KCTD16: variants seen among roughly 807,000 people sequenced by gnomAD.
KCTD16 encodes BTB/POZ domain-containing protein KCTD16.
KCTD16 carries 13 observed loss-of-function variants against 33.2 expected under a neutral mutation model. The ratio of observed to expected loss-of-function variants is 0.39; its 90% CI spans 0.25 to 0.62. KCTD16 has a LOEUF of 0.62. Among genes scored for constraint, KCTD16 ranks in the 20% least tolerant of loss-of-function variants. The pLI is 0.50. For synonymous variants in KCTD16, 197 were observed against 195.3 expected, an observed-to-expected ratio of 1.01 and a Z score of -0.07; for missense variants, 441 against 525.1, an observed-to-expected ratio of 0.84 and a Z score of 1.57.
At chr5:144,282,561 T>G (rs1755635131) in intron 3 of KCTD16, among the ~76,000 whole-genome samples, 1 of 152,220 alleles carries the variant, frequency 6.6e-6, no homozygotes, top group Admixed American at 6.5e-5. Flanking sequence ...TATTTGCATT[T>G]GACATCTGAA....
At chr5:144,239,074 A>C (rs1465833116) in intron 3 of KCTD16, among the ~76,000 whole-genome samples, 1 of 152,134 alleles carries the variant, frequency 6.6e-6, no homozygotes, top group Non-Finnish European at 1.5e-5. Flanking sequence ...ATTGCCACTT[A>C]CTTGTTGTGT....
chr5:144,331,579 T>C (rs1752359457), intron 3 of KCTD16, among the ~76,000 whole-genome samples: 1 of 152,138 alleles, frequency 6.6e-6, no homozygotes, highest in Admixed American at 6.6e-5. Flanking sequence ...GAAGCATAGT[T>C]ATGGATGGGG....
At chr5:144,440,287 A>G (rs1406425424) in intron 3 of KCTD16, among the ~76,000 whole-genome samples, 1 of 152,172 alleles carries the variant, frequency 6.6e-6, no homozygotes, top group Non-Finnish European at 1.5e-5. Flanking sequence ...GCTGATTGCA[A>G]ATGCATGATA....
At chr5:144,304,021 T>C (rs899027422) in intron 3 of KCTD16, among the ~76,000 whole-genome samples, 5 of 152,186 alleles carry the variant, frequency 3.3e-5, no homozygotes, top group African/African-American at 1.2e-4. Context: ...ACCACTCCCG[T>C]TTATATAATC....
At chr5:144,183,400 T>A (rs952563337) in intron 2 of KCTD16, among the ~76,000 whole-genome samples, 3 of 152,264 alleles carry the variant, frequency 2.0e-5, no homozygotes, top group Non-Finnish European at 4.4e-5. Context: ...CTTATTTTTT[T>A]AATGATGCAT....
At chr5:144,289,606 C>G (rs770635705) in intron 3 of KCTD16, among the ~76,000 whole-genome samples, 2 of 152,168 alleles carry the variant, frequency 1.3e-5, no homozygotes, top group African/African-American at 4.8e-5. Context: ...AGCCACCTAG[C>G]CTTCCTGAGC....
intron 3 of KCTD16, among the ~76,000 whole-genome samples, chr5:144,433,923 C>T (rs1398241039): frequency 6.6e-6 from 1 of 152,038 alleles, no homozygotes; most frequent in Non-Finnish European, 1.5e-5. Context: ...AGGCAGCTGC[C>T]CCTGTGTATT....
chr5:144,452,579 G>A (rs557158254), intron 3 of KCTD16, among the ~76,000 whole-genome samples: 2 of 151,850 alleles, frequency 1.3e-5, no homozygotes, highest in African/African-American at 4.8e-5. Flanking sequence ...AAATATGGAC[G>A]GGAAAGAGCA....
chr5:144,218,032 T>C (rs1200904547), intron 3 of KCTD16, among the ~76,000 whole-genome samples: 4 of 152,176 alleles, frequency 2.6e-5, no homozygotes, highest in Non-Finnish European at 2.9e-5. Flanking sequence ...TGCCCTTTGC[T>C]CTTGTGCCTG....
chr5:144,194,802 C>G (rs192908683), intron 2 of KCTD16, among the ~76,000 whole-genome samples: 1 of 152,052 alleles, frequency 6.6e-6, no homozygotes, highest in Non-Finnish European at 1.5e-5. Context: ...CAAAGCCCAC[C>G]CTTTTAACCA....
chr5:144,310,115 T>C (rs1751721670), intron 3 of KCTD16, among the ~76,000 whole-genome samples: 1 of 152,014 alleles, frequency 6.6e-6, no homozygotes, highest in Non-Finnish European at 1.5e-5. Context: ...TAAGATCCAC[T>C]TTTTTAGCTC....
At chr5:144,254,893 G>A (rs894235092) in intron 3 of KCTD16, among the ~76,000 whole-genome samples, 2 of 152,022 alleles carry the variant, frequency 1.3e-5, no homozygotes, top group Non-Finnish European at 2.9e-5. Context: ...TCAAGTAGCT[G>A]GGACCACAGG....
chr5:144,385,707 A>T (rs943811216), intron 3 of KCTD16, among the ~76,000 whole-genome samples: 1 of 152,178 alleles, frequency 6.6e-6, no homozygotes, highest in Admixed American at 6.5e-5. Flanking sequence ...AAAAATGTAT[A>T]TGTCTGCCTC....
intron 3 of KCTD16, among the ~76,000 whole-genome samples, chr5:144,299,072 A>ATATATATATTTT (rs1491103244): frequency 1.7e-5 from 1 of 57,434 alleles, no homozygotes; most frequent in Non-Finnish European, 3.4e-5. Context: ...ATATATATAT[A>ATATATATATTTT]TTTTTGTATA....
intron 3 of KCTD16, among the ~76,000 whole-genome samples, chr5:144,272,656 G>T (rs1208661782): frequency 3.3e-5 from 5 of 152,076 alleles, no homozygotes; most frequent in Non-Finnish European, 7.4e-5. Context: ...AAAATCTTCA[G>T]ATATCAGAAA....
At chr5:144,307,341 C>A (rs1751629767) in intron 3 of KCTD16, among the ~76,000 whole-genome samples, 1 of 152,186 alleles carries the variant, frequency 6.6e-6, no homozygotes, top group African/African-American at 2.4e-5. Flanking sequence ...GCAGCATTAT[C>A]ATCATTAAAA....
At chr5:144,401,621 T>C (rs983856932) in intron 3 of KCTD16, among the ~76,000 whole-genome samples, 1 of 152,200 alleles carries the variant, frequency 6.6e-6, no homozygotes, top group African/African-American at 2.4e-5. Context: ...AGGATGGATG[T>C]TTGCAATATT....
intron 1 of KCTD16, among the ~76,000 whole-genome samples, chr5:144,173,743 A>G (rs1312078019): frequency 2.0e-5 from 3 of 152,158 alleles, no homozygotes; most frequent in African/African-American, 4.8e-5. Context: ...TTCTGCTCCA[A>G]TTGAGAAGCC....
At position 144,373,314 on chromosome 5, in the gene KCTD16, AG is replaced by A. The variant is rs367911135; in HGVS notation, c.833-100342del. On this transcript the variant is annotated intron_variant, in intron 3 of 3. Coordinates refer to ENST00000512467, the MANE Select transcript of KCTD16 (RefSeq NM_020768.4). ...GATGCAAATGAAGGACCCTGCTATG[AG>A]GGGTGGTAAGCAAGACATGGGTGTC... Among the ~76,000 whole-genome samples, 22 of 152,286 alleles carry A rather than the reference AG, an allele frequency of 1.4e-4. No individual in the cohort carries two copies. The East Asian group carries it at 4.0e-3, about 28-fold the overall frequency.
Sources: gnomAD v4.1 joint callset for allele counts (sites outside exome capture counted in the v4.1 genomes callset) on GRCh38, gnomAD v4.1.1 for gene constraint, MANE v1.5 for transcripts, NCBI Gene and HGNC (gene_info 2026-07-23, HGNC 2026-07-21) for gene names.